The following GSE1 variants were observed in gnomAD, a reference collection of about 807,000 sequenced individuals.
GSE1 encodes genetic suppressor element 1.
GSE1 carries 32 observed loss-of-function variants against 112.6 expected under a neutral mutation model. The observed-to-expected ratio is 0.28, with a 90% CI of 0.21 to 0.38. GSE1 has a LOEUF of 0.38. Among genes scored for constraint, GSE1 ranks in the 10% least tolerant of loss-of-function variants. The pLI, the probability that GSE1 is intolerant of heterozygous loss-of-function variation, is 1.00. For missense variants in GSE1, 2,348 were observed against 1,699.2 expected (o/e 1.38, Z -6.71); for synonymous variants, 1,115 against 735.6 (o/e 1.52, Z -8.35).
At chr16:85,640,736 A>C (rs560277647) in intron 2 of GSE1, among the ~76,000 whole-genome samples, 9 of 152,220 alleles carry the variant, frequency 5.9e-5, no homozygotes, top group Admixed American at 3.3e-4. Context: ...TCTCAAAGAA[A>C]ACAGCAAAAC....
chr16:85,580,410 G>A (rs955070914), intron 1 of GSE1, among the ~76,000 whole-genome samples: 1 of 152,154 alleles, frequency 6.6e-6, no homozygotes, highest in Non-Finnish European at 1.5e-5. Flanking sequence ...GCCAGCATCC[G>A]AACCCCGCCA....
chr16:85,264,917 C>G (rs906286126), intron 1 of GSE1, among the ~76,000 whole-genome samples: 4 of 152,106 alleles, frequency 2.6e-5, no homozygotes, highest in Non-Finnish European at 5.9e-5. Flanking sequence ...TGTGTGAGGC[C>G]AGGCAGGTGA....
chr16:85,646,325 C>G (rs993149106), intron 2 of GSE1, among the ~76,000 whole-genome samples: 2 of 152,274 alleles, frequency 1.3e-5, no homozygotes. Flanking sequence ...ACAGAAGGTG[C>G]CCAATTGTAC....
intron 1 of GSE1, among the ~76,000 whole-genome samples, chr16:85,631,492 C>T (rs181919245): frequency 4.9e-4 from 74 of 152,374 alleles, no homozygotes; most frequent in South Asian, 1.0e-3. Context: ...GTGCCCTCCC[C>T]ATTGTGGCTC....
chr16:85,390,513 T>C (rs938713282), intron 2 of GSE1, among the ~76,000 whole-genome samples: 2 of 152,120 alleles, frequency 1.3e-5, no homozygotes, highest in Admixed American at 1.3e-4. Context: ...CAAGCTGTGG[T>C]CCTATAACTT....
intron 1 of GSE1, among the ~76,000 whole-genome samples, chr16:85,180,835 T>C (rs2074568357): frequency 6.6e-6 from 1 of 152,134 alleles, no homozygotes; most frequent in South Asian, 2.1e-4. Context: ...GATGAGTTCT[T>C]AGGATTTAAC....
chr16:85,344,032 C>G (rs1241265135), intron 1 of GSE1, among the ~76,000 whole-genome samples: 1 of 152,196 alleles, frequency 6.6e-6, no homozygotes, highest in Non-Finnish European at 1.5e-5. Flanking sequence ...TTACATAACT[C>G]AGATACGTCT....
rs963873548 is a variant in GSE1 at position 85,655,864 on chromosome 16, C to G, written c.936C>G (p.His312Gln). The part of the protein sequence containing the change: ...SGVRYPPELS[H>Q]SSLAALHSER... ...TCCGCTACCCTCCCGAGCTCTCCCA[C>G]TCATCCCTGGCAGCGCTGCACTCGG... The change falls in exon 6 of 16, where the codon CAC (histidine) becomes CAG (glutamine). Residue 312 changes from histidine (H) to glutamine (Q), a missense_variant. Transcript: ENST00000253458. The G allele has an allele frequency of 8.7e-6, 14 of 1,609,136 alleles. No individual in the cohort carries two copies. The highest frequency in any genetic ancestry group is 1.1e-5 in the Non-Finnish European group (13 of 1,179,926).
intron 2 of GSE1, among the ~76,000 whole-genome samples, chr16:85,507,606 C>T (rs1338276567): frequency 1.3e-5 from 2 of 152,122 alleles, no homozygotes; most frequent in Non-Finnish European, 1.5e-5. Flanking sequence ...CTCTGGGGCC[C>T]CTCGCCTTGG....
intron 2 of GSE1, among the ~76,000 whole-genome samples, chr16:85,645,186 A>T (rs371168839): frequency 4.0e-5 from 6 of 151,854 alleles, no homozygotes; most frequent in Non-Finnish European, 8.8e-5. Flanking sequence ...GTGGTTGGCT[A>T]GTCCATCTGG....
intron 2 of GSE1, among the ~76,000 whole-genome samples, chr16:85,522,482 C>G (rs1232884740): frequency 2.0e-5 from 3 of 151,682 alleles, no homozygotes; most frequent in Non-Finnish European, 4.4e-5. Context: ...AACCGACTCA[C>G]CCCCGCGTTT....
At chr16:85,581,983 A>G (rs1166055061) in intron 1 of GSE1, 4 of 152,176 alleles carry the variant, frequency 2.6e-5, no homozygotes, top group Non-Finnish European at 5.9e-5. Context: ...AAGTTGGGTG[A>G]TCAGTCAGAT....
chr16:85,387,998 GGATGGATGGATGGATGGA>G (rs2047727013), intron 2 of GSE1, among the ~76,000 whole-genome samples: 5 of 138,770 alleles, frequency 3.6e-5, no homozygotes, highest in African/African-American at 1.1e-4. Context: ...GTGGGTGGAT[GGATGGATGGATGGATGGA>G]TGGATGGATG....
intron 2 of GSE1, among the ~76,000 whole-genome samples, chr16:85,414,226 G>A (rs539734016): frequency 1.6e-4 from 25 of 152,298 alleles, no homozygotes; most frequent in African/African-American, 6.0e-4. Flanking sequence ...GGGGCATTTA[G>A]GGGACTTACT....
At chr16:85,230,608 C>T (rs1049314783) in intron 1 of GSE1, among the ~76,000 whole-genome samples, 13 of 152,182 alleles carry the variant, frequency 8.5e-5, no homozygotes, top group African/African-American at 3.1e-4. Flanking sequence ...TCGGAGATGG[C>T]CACCAGCAGT....
At chr16:85,402,414 C>T (rs1002768444) in intron 2 of GSE1, among the ~76,000 whole-genome samples, 14 of 152,126 alleles carry the variant, frequency 9.2e-5, no homozygotes, top group South Asian at 2.1e-4. Context: ...GCCTCAAGAA[C>T]GGGGCTGAGC....
intron 14 of GSE1, chr16:85,670,540 A>G (rs1475549357): frequency 6.5e-6 from 1 of 152,766 alleles, no homozygotes; most frequent in East Asian, 1.9e-4. Flanking sequence ...ACTGTGTATA[A>G]GGTAGGGATT....
intron 1 of GSE1, among the ~76,000 whole-genome samples, chr16:85,619,086 G>A (rs2048561049): frequency 6.6e-6 from 1 of 152,210 alleles, no homozygotes; most frequent in Admixed American, 6.5e-5. Flanking sequence ...TAAGGCTCAA[G>A]TCACCACAGC....
chr16:85,288,778 C>T (rs913689456), intron 1 of GSE1, among the ~76,000 whole-genome samples: 18 of 152,164 alleles, frequency 1.2e-4, no homozygotes, highest in African/African-American at 4.3e-4. Flanking sequence ...GGCATTTCAG[C>T]CCCAGCAAAT....
Sources: gnomAD v4.1 joint callset for allele counts (sites outside exome capture counted in the v4.1 genomes callset) on GRCh38, gnomAD v4.1.1 for gene constraint, MANE v1.5 for transcripts, NCBI Gene and HGNC (gene_info 2026-07-23, HGNC 2026-07-21) for gene names.